The following DLGAP1 variants were observed in gnomAD, a reference collection of about 807,000 sequenced individuals.
The protein encoded by DLGAP1 is DLG associated protein 1.
DLGAP1 carries 11 observed loss-of-function variants against 90.8 expected under a neutral mutation model. The ratio of observed to expected loss-of-function variants is 0.12; its 90% CI spans 0.08 to 0.20. The LOEUF is 0.20. DLGAP1 is among the 10% of genes least tolerant of loss of function. DLGAP1 has a pLI of 1.00. For missense variants in DLGAP1, 1,050 were observed against 1,333.8 expected (o/e 0.79, Z 3.31); for synonymous variants, 558 against 540.7 (o/e 1.03, Z -0.44).
chr18:3,686,440 G>T (rs1309779402), intron 7 of DLGAP1, among the ~76,000 whole-genome samples: 1 of 152,032 alleles, frequency 6.6e-6, no homozygotes, highest in African/African-American at 2.4e-5. Context: ...AGACTATGTT[G>T]GTTATGATAA....
chr18:4,082,588 G>A lies in DLGAP1; in HGVS notation c.-159+68592C>T, dbSNP rs116948564. Among the ~76,000 whole-genome samples, 550 of 150,102 alleles carry A rather than the reference G, an allele frequency of 3.7e-3. 10 individuals are homozygous for A. The highest frequency in any genetic ancestry group is 0.017 in the East Asian group (85 of 5,052). ...TCCATGGTGGGGGTAATCATTCAGC[G>A]ATCCACCCACCATGCATGCTAGTAA... On this transcript the variant is annotated intron_variant, in intron 2 of 12. Transcript: ENST00000315677.
intron 9 of DLGAP1, among the ~76,000 whole-genome samples, chr18:3,557,834 A>G (rs1261990515): frequency 6.6e-6 from 1 of 151,830 alleles, no homozygotes; most frequent in African/African-American, 2.4e-5. Context: ...GGCTGAGGCA[A>G]AAGAGCTGCT....
At chr18:3,878,259 C>T (rs745507087) in intron 4 of DLGAP1, 1 of 151,204 alleles carries the variant, frequency 6.6e-6, no homozygotes, top group Non-Finnish European at 1.5e-5. Context: ...GAAAAATGTG[C>T]CTTGGGAAAA....
intron 5 of DLGAP1, among the ~76,000 whole-genome samples, chr18:3,779,991 T>C (rs2065118459): frequency 6.6e-6 from 1 of 152,076 alleles, no homozygotes; most frequent in Admixed American, 6.6e-5. Flanking sequence ...TCACTATATG[T>C]TGGCCAGGCT....
At chr18:4,365,741 T>C (rs569625894) in intron 1 of DLGAP1, among the ~76,000 whole-genome samples, 10 of 152,254 alleles carry the variant, frequency 6.6e-5, no homozygotes, top group African/African-American at 2.2e-4. Flanking sequence ...TTCCTTAAAA[T>C]TGTGTAGGCA....
chr18:3,936,666 T>G (rs185098374), intron 3 of DLGAP1, among the ~76,000 whole-genome samples: 1 of 152,194 alleles, frequency 6.6e-6, no homozygotes, highest in Admixed American at 6.5e-5. Flanking sequence ...TTCTGGCCAG[T>G]AGTAAAGATT....
chr18:3,565,787 A>G lies in DLGAP1; in HGVS notation c.2057+1703T>C, dbSNP rs1020591640. Among the ~76,000 whole-genome samples the G allele has an allele frequency of 6.6e-6, 1 of 152,040 alleles. No individual in the cohort carries two copies. Among genetic ancestry groups the G allele is most frequent in the South Asian group, 2.1e-4 (1 of 4,818 alleles). On this transcript the variant is annotated intron_variant, in intron 9 of 12. Coordinates refer to ENST00000315677, the MANE Select transcript of DLGAP1 (RefSeq NM_004746.4). The surrounding 1 kb of genome is among the most constrained non-coding windows in gnomAD (Gnocchi z 4.0). ...GAGGCGGAGGTTGCAGTGAGCCGAA[A>G]TTGCACCACTGCACCCCAGCCTGGG...
intron 3 of DLGAP1, among the ~76,000 whole-genome samples, chr18:3,936,765 T>C (rs1175307009): frequency 6.6e-6 from 1 of 152,128 alleles, no homozygotes; most frequent in East Asian, 1.9e-4. Flanking sequence ...ATCCACAAAA[T>C]GATTCACAAT....
chr18:4,245,869 C>T (rs1409813013), intron 1 of DLGAP1, among the ~76,000 whole-genome samples: 1 of 151,888 alleles, frequency 6.6e-6, no homozygotes, highest in South Asian at 2.1e-4. Context: ...GACAGGGCCC[C>T]GACTCATCTT....
intron 2 of DLGAP1, among the ~76,000 whole-genome samples, chr18:4,126,174 G>A (rs935289731): frequency 1.3e-4 from 20 of 152,128 alleles, no homozygotes; most frequent in Admixed American, 6.5e-5. Context: ...CATGGGTAGG[G>A]GTAGGGGGAT....
intron 1 of DLGAP1, among the ~76,000 whole-genome samples, chr18:4,207,713 T>C (rs953671): frequency 0.57 from 87,389 of 151,994 alleles, 26,142 homozygotes; most frequent in East Asian, 0.78. Flanking sequence ...CCACATGAGC[T>C]GCTTTTAGTC....
intron 2 of DLGAP1, among the ~76,000 whole-genome samples, chr18:4,144,843 A>T (rs576090180): frequency 6.6e-6 from 1 of 152,366 alleles, no homozygotes; most frequent in Non-Finnish European, 1.5e-5. Flanking sequence ...AAATCCAGTC[A>T]ATGTGCCTTT....
intron 5 of DLGAP1, among the ~76,000 whole-genome samples, chr18:3,813,562 A>T (rs2148427984): frequency 6.6e-6 from 1 of 152,328 alleles, no homozygotes; most frequent in African/African-American, 2.4e-5. Context: ...TTAAAAATGT[A>T]TGTCAAGAAC....
chr18:4,261,285 C>G (rs951118793), intron 1 of DLGAP1, among the ~76,000 whole-genome samples: 2 of 152,054 alleles, frequency 1.3e-5, no homozygotes, highest in African/African-American at 4.8e-5. Flanking sequence ...CCAGCTCTCA[C>G]AAACATGAAG....
intron 7 of DLGAP1, among the ~76,000 whole-genome samples, chr18:3,705,656 ATTAT>A (rs2061409244): frequency 6.7e-6 from 1 of 149,846 alleles, no homozygotes; most frequent in African/African-American, 2.4e-5. Context: ...AATAGTAATT[ATTAT>A]TATTATTATT....
At chr18:3,516,658 C>T (rs1233142933) in intron 10 of DLGAP1, among the ~76,000 whole-genome samples, 1 of 152,068 alleles carries the variant, frequency 6.6e-6, no homozygotes, top group African/African-American at 2.4e-5. Flanking sequence ...AGGCTTCAGT[C>T]ATGGTGGAAG....
At position 3,702,516 on chromosome 18, in the gene DLGAP1, G is replaced by T. The variant is rs374272260; in HGVS notation, c.1591+26619C>A. 1.4e-4 allele frequency among the ~76,000 whole-genome samples: 22 copies of T among 152,312 alleles called. 1 individual carries two copies. The highest frequency in any genetic ancestry group is 5.3e-4 in the African/African-American group (22 of 41,584). ...CCCTAGGGGAGAGCCTGGCAGGGTT[G>T]TGGACTTCCTGCATGCAGGCGCCCT... On this transcript the variant is annotated intron_variant, in intron 7 of 12. Coordinates refer to ENST00000315677, the MANE Select transcript of DLGAP1 (RefSeq NM_004746.4).
At chr18:3,546,224 A>G (rs1027407479) in intron 9 of DLGAP1, among the ~76,000 whole-genome samples, 2 of 152,044 alleles carry the variant, frequency 1.3e-5, no homozygotes, top group Non-Finnish European at 2.9e-5. Flanking sequence ...GGAGTTTGAG[A>G]CCAGTCTGGG....
At chr18:4,207,036 T>A (rs1220770176) in intron 1 of DLGAP1, among the ~76,000 whole-genome samples, 1 of 152,184 alleles carries the variant, frequency 6.6e-6, no homozygotes, top group Non-Finnish European at 1.5e-5. Flanking sequence ...GGGATCCAAT[T>A]GCAGATGGTG....
Sources: gnomAD v4.1 joint callset for allele counts (sites outside exome capture counted in the v4.1 genomes callset) on GRCh38, gnomAD v4.1.1 for gene constraint, Gnocchi (gnomAD v3.1) non-coding constraint, MANE v1.5 for transcripts, NCBI Gene and HGNC (gene_info 2026-07-23, HGNC 2026-07-21) for gene names.